MICAL2: variants seen among roughly 807,000 people sequenced by gnomAD.
MICAL2 encodes the protein [F-actin]-monooxygenase MICAL2.
In MICAL2, 77 loss-of-function variants were observed where a neutral mutation model predicts 127.3. That is an observed-to-expected ratio of 0.60 (90% CI 0.50 to 0.73). The LOEUF (loss-of-function observed/expected upper bound fraction) is 0.73. Ranked by LOEUF, MICAL2 falls within the 30% of genes least tolerant of loss-of-function variation. The pLI is 0.00. For synonymous variants in MICAL2, 570 were observed against 551.1 expected (o/e 1.03, Z -0.48); for missense variants, 1,351 against 1,434.4 (o/e 0.94, Z 0.94).
Position 12,191,424 on chromosome 11 carries a change from A to G in MICAL2, c.265-12826A>G, listed in dbSNP as rs544378274. On this transcript the variant is annotated intron_variant, in intron 3 of 27. Coordinates refer to ENST00000683283, the MANE Select transcript of MICAL2 (RefSeq NM_001282663.2). The stretch of plus-strand genomic sequence containing the variant: ...AAGGCGGAGGTTGCAGTGAGCCAAG[A>G]TCATGCCATTGCACTCCAGCCCGGG... 6.6e-5 allele frequency among the ~76,000 whole-genome samples: 10 copies of G among 150,560 alleles called. No individual in the cohort carries two copies. In the South Asian group the frequency reaches 1.7e-3, roughly 25 times the overall value.
intron 32 of MICAL2, among the ~76,000 whole-genome samples, chr11:12,329,355 T>C (rs1864388534): frequency 6.6e-6 from 1 of 152,174 alleles, no homozygotes; most frequent in Non-Finnish European, 1.5e-5. Flanking sequence ...TCCAGAAGGC[T>C]CTGGTCCTTG....
At chr11:12,233,830 G>C (rs17479629) in intron 15 of MICAL2, among the ~76,000 whole-genome samples, 9,845 of 152,202 alleles carry the variant, frequency 0.065, 446 homozygotes, top group Non-Finnish European at 0.094. Context: ...CAAGGAAAAG[G>C]GAGTACTGAA....
At chr11:12,358,426 C>A in exon 35 of MICAL2, 1 of 1,614,180 alleles carries the variant, frequency 6.2e-7, no homozygotes, top group Non-Finnish European at 8.5e-7. Context: ...AGCCGAGGAC[C>A]AGCACTTTGA....
At chr11:12,334,616 C>A (rs7947236) in intron 32 of MICAL2, among the ~76,000 whole-genome samples, 19,210 of 124,964 alleles carry the variant, frequency 0.15, 1,925 homozygotes, top group East Asian at 0.39. Context: ...CCCACCCCCC[C>A]ACAACAGTCC....
chr11:12,150,472 G>T (rs1853447191), intron 2 of MICAL2, among the ~76,000 whole-genome samples: 1 of 152,028 alleles, frequency 6.6e-6, no homozygotes, highest in Non-Finnish European at 1.5e-5. Context: ...AAACATAGGG[G>T]ATCTTTGGGG....
At chr11:12,269,208 G>C (rs1183008433) in intron 24 of MICAL2, among the ~76,000 whole-genome samples, 1 of 152,164 alleles carries the variant, frequency 6.6e-6, no homozygotes, top group East Asian at 1.9e-4. Flanking sequence ...GGGAATGACA[G>C]TGGGCCCCAG....
At chr11:12,334,797 A>C (rs879740480) in intron 32 of MICAL2, among the ~76,000 whole-genome samples, 3 of 151,654 alleles carry the variant, frequency 2.0e-5, no homozygotes, top group Non-Finnish European at 4.4e-5. Context: ...ATCATTTTTT[A>C]TGGCTGCATA....
intron 2 of MICAL2, among the ~76,000 whole-genome samples, chr11:12,286,035 G>C (rs1443288921): frequency 6.6e-6 from 1 of 152,224 alleles, no homozygotes; most frequent in Admixed American, 6.5e-5. Context: ...TGGGAACAGG[G>C]AACACGTGGA....
rs766882249 is a variant in MICAL2, at chr11:12,222,630, C to T, written c.1336C>T (p.Arg446Trp). 1.4e-5 allele frequency: 23 copies of T among 1,614,240 alleles called. No individual in the cohort carries two copies. Among genetic ancestry groups the T allele is most frequent in the Non-Finnish European group, 1.8e-5 (21 of 1,180,048 alleles). The part of the protein sequence containing the change: ...ELLAERESLY[R>W]LLPQTTPENI... ...GCCTCCCTCCAGGGAAAGTCTCTACCGGCTGTTACCTCAGACAACCCCGGA... is the reference window on the plus strand; with the variant it reads ...GCCTCCCTCCAGGGAAAGTCTCTACTGGCTGTTACCTCAGACAACCCCGGA... Residue 446 changes from arginine to tryptophan, a missense_variant, in exon 11 of 28, where the codon CGG (arginine) becomes TGG (tryptophan). Coordinates refer to ENST00000683283, the MANE Select transcript of MICAL2 (RefSeq NM_001282663.2).
At chr11:12,271,948 A>G (rs1037617112), upstream of MICAL2, among the ~76,000 whole-genome samples, 1 of 152,092 alleles carries the variant, frequency 6.6e-6, no homozygotes, top group African/African-American at 2.4e-5. Context: ...CTACCTCAAC[A>G]CTGCTGTCCC....
chr11:12,359,885 C>T (rs527592721), downstream of MICAL2, among the ~76,000 whole-genome samples: 20 of 152,256 alleles, frequency 1.3e-4, no homozygotes, highest in South Asian at 1.0e-3. Context: ...CAACAGTTGG[C>T]TCTGACTGGA....
In MICAL2 at chr11:12,343,406, T is replaced by TAAAA. The variant is rs57546290; in HGVS notation, c.5516-6417_5516-6414dup. Among the ~76,000 whole-genome samples the TAAAA allele has an allele frequency of 3.8e-4, 42 of 110,090 alleles. 1 individual carries two copies. The highest frequency in any genetic ancestry group is 9.8e-4 in the South Asian group (3 of 3,074). 72.2% of individuals were successfully genotyped at this position (110,090 alleles called of 152,430 possible). The stretch of plus-strand genomic sequence containing the variant: ...CTGGGCGACAAGAGCTTCATCTCAT[T>TAAAA]AAAAAAAAAAAAAAAAAACTGTAGC... On this transcript the variant is annotated intron_variant, in intron 32 of 34. Transcript: ENST00000646065.
rs1238934953 is a variant in MICAL2 at position 12,215,760 on chromosome 11, G to A, written c.848-459G>A. Among the ~76,000 whole-genome samples the A allele has an allele frequency of 5.9e-5, 9 of 152,146 alleles. No homozygotes were observed. In the South Asian group the frequency reaches 1.9e-3, roughly 32 times the overall value. On this transcript the variant is annotated intron_variant, in intron 7 of 27. Coordinates refer to ENST00000683283, the MANE Select transcript of MICAL2 (RefSeq NM_001282663.2). The stretch of plus-strand genomic sequence containing the variant: ...GCACTCGGGTTTTCACATACAAGCC[G>A]GGAAACAGTAGAAATATTCCTTGGC...
Position 12,244,086 on chromosome 11 carries a change from G to A in MICAL2, c.2758G>A (p.Val920Ile), listed in dbSNP as rs1860360921. The A allele has an allele frequency of 2.5e-6, 4 of 1,614,082 alleles. No homozygotes were observed. The highest frequency in any genetic ancestry group is 2.5e-6 in the Non-Finnish European group (3 of 1,180,060). Residue 920 changes from valine to isoleucine, a missense_variant, in exon 21 of 28, where the codon GTT becomes ATT. Coordinates refer to ENST00000683283, the MANE Select transcript of MICAL2 (RefSeq NM_001282663.2). ...AGCTGCTTCTTCCTCTCCATCAACT[G>A]TTGACTCTGCTTCTCCTGCCAGAAA... is the stretch of plus-strand genomic sequence containing the variant. The part of the protein sequence containing the change: ...DPAASSSPST[V>I]DSASPARKEK...
intron 2 of MICAL2, chr11:12,287,025 TC>T: frequency 2.5e-6 from 1 of 398,858 alleles, no homozygotes; most frequent in Non-Finnish European, 4.4e-6. Flanking sequence ...TCCTACTTAC[TC>T]TACACATTTA....
At chr11:12,181,986 C>A (rs928912294) in intron 3 of MICAL2, among the ~76,000 whole-genome samples, 1 of 152,210 alleles carries the variant, frequency 6.6e-6, no homozygotes, top group African/African-American at 2.4e-5. Flanking sequence ...GACTTCATCA[C>A]TAATAGAAAT....
At chr11:12,195,222 A>G (rs1859739437) in intron 3 of MICAL2, among the ~76,000 whole-genome samples, 1 of 152,132 alleles carries the variant, frequency 6.6e-6, no homozygotes, top group Admixed American at 6.6e-5. Context: ...GTGGCACTGT[A>G]CTCCAGCCTG....
At chr11:12,274,494 A>G (rs1863704580), upstream of MICAL2, 1 of 152,268 alleles carries the variant, frequency 6.6e-6, no homozygotes, top group Admixed American at 6.5e-5. Context: ...AATGGAGAGC[A>G]CTGAGGCATG....
intron 1 of MICAL2, among the ~76,000 whole-genome samples, chr11:12,279,983 G>A (rs1282734491): frequency 6.6e-6 from 1 of 152,236 alleles, no homozygotes; most frequent in African/African-American, 2.4e-5. Context: ...TGTACAGAGA[G>A]TGTGTGGATA....
Sources: allele counts gnomAD v4.1 joint callset (sites outside exome capture counted in the v4.1 genomes callset), GRCh38; gene constraint gnomAD v4.1.1; transcripts MANE v1.5; gene names NCBI Gene and HGNC (gene_info 2026-07-23, HGNC 2026-07-21).